SRPX2: variants seen among roughly 807,000 people sequenced by gnomAD.
SRPX2 encodes the protein sushi repeat-containing protein SRPX2.
SRPX2 carries 26 observed loss-of-function variants against 45.3 expected under a neutral mutation model. The ratio of observed to expected loss-of-function variants is 0.57; its 90% confidence interval spans 0.42 to 0.80. The LOEUF (loss-of-function observed/expected upper bound fraction) is 0.80. Among genes scored for constraint, SRPX2 ranks in the 30% least tolerant of loss-of-function variants. The pLI, the probability that SRPX2 is intolerant of heterozygous loss-of-function variation, is 0.00. For missense variants in SRPX2, 355 were observed against 399.8 expected, an observed-to-expected ratio of 0.89 and a Z score of 0.95; for synonymous variants, 125 against 143.7, an observed-to-expected ratio of 0.87 and a Z score of 0.93.
At chrX:100,652,067 T>A (rs916950421) in intron 3 of SRPX2, among the ~76,000 whole-genome samples, 8 of 112,121 alleles carry the variant, frequency 7.1e-5, no homozygotes, top group Non-Finnish European at 1.5e-4. Flanking sequence ...CACAGAGGCA[T>A]GACACAGTAA....
chrX:100,660,523 C>T (rs1569360504), intron 3 of SRPX2, among the ~76,000 whole-genome samples: 1 of 111,976 alleles, frequency 8.9e-6, no homozygotes, highest in Non-Finnish European at 1.9e-5. Flanking sequence ...TTAGTTTAGC[C>T]ATTCACCCAT....
At chrX:100,665,951 T>G (rs1436575193) in intron 7 of SRPX2, among the ~76,000 whole-genome samples, 1 of 112,437 alleles carries the variant, frequency 8.9e-6, no homozygotes, top group African/African-American at 3.2e-5. Flanking sequence ...GACTTCAAAA[T>G]GATCACATGT....
rs376259165 is a variant in SRPX2 at position 100,669,239 on chromosome X, C to T, written c.1096-9C>T. The T allele has an allele frequency of 1.7e-6, 2 of 1,208,610 alleles. No homozygotes were observed. The highest frequency in any genetic ancestry group is 3.5e-5 in the African/African-American group (2 of 56,717). ...CTCTGTTGCATAAAATGTTCTGTCT[C>T]CCTCCCAGCAATCCACCTGTGGACT... On this transcript the variant is annotated splice_polypyrimidine_tract_variant and intron_variant, in intron 9 of 10. Transcript: ENST00000373004.
chrX:100,644,671 C>T (rs1315040469), intron 1 of SRPX2, among the ~76,000 whole-genome samples, 156 bp downstream of exon 1: 1 of 110,893 alleles, frequency 9.0e-6, no homozygotes, highest in East Asian at 2.8e-4. Flanking sequence ...TCATTTGTGC[C>T]GTGACCTGAC....
In SRPX2 at chrX:100,644,415, A is replaced by G. The variant is rs780346645; in HGVS notation, c.-231A>G. 8.9e-6 allele frequency: 1 copy of G among 112,142 alleles called. No homozygotes were observed. The highest frequency in any genetic ancestry group is 2.8e-4 in the East Asian group (1 of 3,580). 9.2% of individuals were successfully genotyped at this position (112,142 alleles called of 1,213,427 possible). On this transcript the variant is annotated 5_prime_UTR_variant, in exon 1 of 11. Transcript: ENST00000373004. ...GGACAGACCAGGAGCCACTCGTTCT[A>G]GGAATGTTAAAGTAGAAGGTTTTTT...
In SRPX2 at chrX:100,651,252, G is replaced by T. The variant is rs1249437989; in HGVS notation, c.163+387G>T. Among the ~76,000 whole-genome samples the T allele has an allele frequency of 2.7e-5, 3 of 111,138 alleles. No individual in the cohort carries two copies. In the East Asian group the frequency reaches 8.4e-4, roughly 31 times the overall value. On this transcript the variant is annotated intron_variant, in intron 3 of 10. Transcript: ENST00000373004. ...GTAAGTGTGAAGCTATGTCATAGCAGTAAATGCAATAGGGTTTAAGAAAAA... is the reference window on the plus strand; with the variant it reads ...GTAAGTGTGAAGCTATGTCATAGCATTAAATGCAATAGGGTTTAAGAAAAA...
At chrX:100,656,217 A>ATAT (rs1418708783) in intron 3 of SRPX2, among the ~76,000 whole-genome samples, 5 of 111,022 alleles carry the variant, frequency 4.5e-5, no homozygotes, top group Non-Finnish European at 7.5e-5. Context: ...AATACTTTAC[A>ATAT]TATTTATGGG....
intron 2 of SRPX2, chrX:100,649,436 A>C (rs1220240527): frequency 9.0e-6 from 1 of 111,125 alleles, no homozygotes; most frequent in Non-Finnish European, 1.9e-5. Flanking sequence ...ATGAGGTCTG[A>C]GAAGAAATCA....
chrX:100,644,715 A>G (rs1165030279), intron 1 of SRPX2, among the ~76,000 whole-genome samples, 200 bp downstream of exon 1: 1 of 111,243 alleles, frequency 9.0e-6, no homozygotes, highest in Non-Finnish European at 1.9e-5. Flanking sequence ...TTCTCAGCCC[A>G]CAGCAGAGGG....
chrX:100,668,369 A>G (rs1005494728), intron 9 of SRPX2, among the ~76,000 whole-genome samples: 29 of 100,601 alleles, frequency 2.9e-4, no homozygotes, highest in African/African-American at 1.0e-3. Flanking sequence ...AGGACCCTGG[A>G]GGGTCTAGAC....
chrX:100,655,090 G>A (rs2083164523), intron 3 of SRPX2, among the ~76,000 whole-genome samples: 1 of 112,212 alleles, frequency 8.9e-6, no homozygotes, highest in African/African-American at 3.2e-5. Context: ...GAGACAATGG[G>A]CCTGAGTTCA....
At chrX:100,670,662 C>T in intron 10 of SRPX2, 145 bp from the exon 11 acceptor site, 2 of 621,498 alleles carry the variant, frequency 3.2e-6, no homozygotes, top group Non-Finnish European at 5.2e-6. Context: ...CGACTTGAGA[C>T]AGGAAGTAGA....
At chrX:100,657,332 G>GCAT (rs1481033570) in intron 3 of SRPX2, among the ~76,000 whole-genome samples, 1 of 57,508 alleles carries the variant, frequency 1.7e-5, no homozygotes, top group Non-Finnish European at 3.7e-5. Flanking sequence ...ATCCTGGCCG[G>GCAT]CATCTGTTAT....
At chrX:100,645,850 G>A (rs1602714831) in intron 1 of SRPX2, among the ~76,000 whole-genome samples, 1 of 112,061 alleles carries the variant, frequency 8.9e-6, no homozygotes, top group Admixed American at 9.4e-5. Context: ...ATATGCTAAC[G>A]CTTTCCCAGA....
Position 100,671,267 on chromosome X carries a change from T to G in SRPX2, c.*280T>G. On this transcript the variant is annotated 3_prime_UTR_variant, in exon 11 of 11. Transcript: ENST00000373004. ...GCCCCTGCCCAGCTCTCCAAAGTCT[T>G]TCAGAAAAGTAAATCCTAAATTCAG... The G allele has an allele frequency of 2.6e-6, 1 of 378,732 alleles. No homozygotes were observed. The highest frequency in any genetic ancestry group is 4.7e-6 in the Non-Finnish European group (1 of 214,836). The allele number at this position is 378,732 out of a possible 1,213,427, so 31.2% of individuals were successfully genotyped here.
At chrX:100,657,744 T>C (rs2083175186) in intron 3 of SRPX2, among the ~76,000 whole-genome samples, 1 of 111,857 alleles carries the variant, frequency 8.9e-6, no homozygotes, top group Non-Finnish European at 1.9e-5. Context: ...GTTGAGCATA[T>C]TTTCACATAT....
rs1200211487 is a variant in SRPX2, at chrX:100,673,489, T to A, written c.*2502T>A. On this transcript the variant is annotated 3_prime_UTR_variant, in exon 11 of 11. Coordinates refer to ENST00000373004, the MANE Select transcript of SRPX2 (RefSeq NM_014467.3). ...GCTAGCCCGACCCCTGTATATATTG[T>A]ACCTCTCTCTCTGCCCACCTCTCCC... 9.1e-6 allele frequency: 1 copy of A among 110,225 alleles called. No homozygotes were observed. Among genetic ancestry groups the A allele is most frequent in the Non-Finnish European group, 1.9e-5 (1 of 52,805 alleles). The allele number at this position is 110,225 out of a possible 1,213,427, so 9.1% of individuals were successfully genotyped here.
At chrX:100,661,701 C>T (rs979820118) in intron 3 of SRPX2, among the ~76,000 whole-genome samples, 1 of 112,029 alleles carries the variant, frequency 8.9e-6, no homozygotes, top group East Asian at 2.8e-4. Context: ...ACGTGGGAGG[C>T]GGAGCTTGCA....
At chrX:100,650,405 A>C (rs961158690) in intron 2 of SRPX2, 19 of 206,428 alleles carry the variant, frequency 9.2e-5, no homozygotes, top group Non-Finnish European at 1.6e-4. Context: ...ACCACAGTCC[A>C]TTCTCAGAGA....
Sources: gnomAD v4.1 joint callset for allele counts (sites outside exome capture counted in the v4.1 genomes callset) on GRCh38, gnomAD v4.1.1 for gene constraint, MANE v1.5 for transcripts, NCBI Gene and HGNC (gene_info 2026-07-23, HGNC 2026-07-21) for gene names.